Variants in JMJD1C observed in about 807,000 individuals in gnomAD.
JMJD1C encodes jumonji domain containing 1C.
Under a neutral mutation model 245.3 loss-of-function variants are expected in JMJD1C, and 31 were observed. The ratio of observed to expected loss-of-function variants is 0.13; its 90% CI spans 0.09 to 0.17. The LOEUF (loss-of-function observed/expected upper bound fraction) is 0.17. Ranked by LOEUF, JMJD1C falls within the 10% of genes least tolerant of loss-of-function variation. The pLI is 1.00. For missense variants in JMJD1C, 2,691 were observed against 3,000.2 expected, an observed-to-expected ratio of 0.90 and a Z score of 2.41; for synonymous variants, 1,057 against 1,017.4, an observed-to-expected ratio of 1.04 and a Z score of -0.74.
chr10:63,211,279 G>A (rs1847287812), intron 8 of JMJD1C, among the ~76,000 whole-genome samples: 1 of 151,828 alleles, frequency 6.6e-6, no homozygotes, highest in African/African-American at 2.4e-5. Flanking sequence ...AGCCTGGCCA[G>A]CATAGTGAAA....
intron 2 of JMJD1C, among the ~76,000 whole-genome samples, chr10:63,337,624 A>AAAAGAAAAGGAAAAGAAAAG (rs139374030): frequency 1.7e-5 from 1 of 60,194 alleles, no homozygotes; most frequent in African/African-American, 7.4e-5. Flanking sequence ...AAAAGAAAAG[A>AAAAGAAAAGGAAAAGAAAAG]AAAAGAAAAG....
At chr10:63,460,950 A>G (rs1241396506) in intron 1 of JMJD1C, among the ~76,000 whole-genome samples, 1 of 152,192 alleles carries the variant, frequency 6.6e-6, no homozygotes, top group Non-Finnish European at 1.5e-5. Flanking sequence ...ATTGGAAATT[A>G]TTGGAATACC....
rs1245667160 is a variant in JMJD1C at position 63,209,213 on chromosome 10, T to C, written c.2717A>G (p.His906Arg). 6.2e-7 allele frequency: 1 copy of C among 1,610,996 alleles called. No individual in the cohort carries two copies. Among genetic ancestry groups the C allele is most frequent in the Non-Finnish European group, 8.5e-7 (1 of 1,178,770 alleles). Residue 906 changes from histidine (H) to arginine (R), a missense_variant, in exon 9 of 26, where the codon CAT (histidine) becomes CGT (arginine). Around this residue, in one of 9 missense-constraint regions of JMJD1C, gnomAD observed 1,562 missense variants for 1,490.7 expected, o/e 1.05. Transcript: ENST00000399262. ...LRRNSPSPWL[H>R]QPTPVTSADG... ...TGCTGAGGTCACAGGGGTGGGCTGATGTAGCCAAGGACTGGGAGAATTCTA... is the reference window on the plus strand; with the variant it reads ...TGCTGAGGTCACAGGGGTGGGCTGACGTAGCCAAGGACTGGGAGAATTCTA...
At chr10:63,175,969 C>A (rs1842830155) in intron 24 of JMJD1C, among the ~76,000 whole-genome samples, 1 of 152,132 alleles carries the variant, frequency 6.6e-6, no homozygotes, top group Non-Finnish European at 1.5e-5. Context: ...GATAAAAAGT[C>A]TGTATACTGT....
At chr10:63,179,029 C>T (rs1408429913) in intron 22 of JMJD1C, among the ~76,000 whole-genome samples, 1 of 152,092 alleles carries the variant, frequency 6.6e-6, no homozygotes, top group Non-Finnish European at 1.5e-5. Flanking sequence ...TTTCTCATTA[C>T]CCACCCCTGT....
upstream of JMJD1C, among the ~76,000 whole-genome samples, chr10:63,468,361 GTT>G (rs71463524): frequency 0.027 from 4,168 of 152,056 alleles, 76 homozygotes; most frequent in Non-Finnish European, 0.045. Flanking sequence ...TTTTTTGTTT[GTT>G]TGCTGGCATT....
intron 2 of JMJD1C, among the ~76,000 whole-genome samples, chr10:63,283,367 CTTTTT>C (rs34629226): frequency 1.6e-5 from 2 of 122,538 alleles, no homozygotes; most frequent in Non-Finnish European, 1.8e-5. Context: ...CTTTCTGAGC[CTTTTT>C]TTTTTTTTTT....
intron 1 of JMJD1C, among the ~76,000 whole-genome samples, chr10:63,520,769 A>G (rs1035575972): frequency 2.6e-5 from 4 of 152,214 alleles, no homozygotes; most frequent in African/African-American, 9.6e-5. Context: ...TAAGAGGCCC[A>G]GAACAGTGGT....
At chr10:63,236,069 T>A (rs1262351397) in intron 3 of JMJD1C, among the ~76,000 whole-genome samples, 2 of 152,230 alleles carry the variant, frequency 1.3e-5, no homozygotes, top group African/African-American at 2.4e-5. Flanking sequence ...GGATATACTA[T>A]CTTAATATAC....
chr10:63,345,876 C>T (rs149309814), intron 2 of JMJD1C, among the ~76,000 whole-genome samples: 48 of 151,906 alleles, frequency 3.2e-4, no homozygotes, highest in East Asian at 1.5e-3. Context: ...AAGTAAAGCA[C>T]GGTCTTTAAC....
At chr10:63,368,776 TC>T (rs1450482221) in intron 2 of JMJD1C, among the ~76,000 whole-genome samples, 1 of 152,038 alleles carries the variant, frequency 6.6e-6, no homozygotes, top group East Asian at 1.9e-4. Flanking sequence ...AACCTCCACC[TC>T]CCAGGTTCAA....
At chr10:63,281,266 C>T (rs1298881541) in intron 2 of JMJD1C, among the ~76,000 whole-genome samples, 1 of 151,236 alleles carries the variant, frequency 6.6e-6, no homozygotes, top group East Asian at 1.9e-4. Context: ...TCCCTAGTAG[C>T]TGAGATTACA....
At chr10:63,260,194 A>G (rs1854513637) in intron 3 of JMJD1C, among the ~76,000 whole-genome samples, 1 of 152,178 alleles carries the variant, frequency 6.6e-6, no homozygotes, top group Non-Finnish European at 1.5e-5. Flanking sequence ...CAAATCTCTA[A>G]CGGTTTTAAC....
intron 10 of JMJD1C, chr10:63,202,538 A>T (rs1309793271): frequency 6.7e-5 from 66 of 985,300 alleles, no homozygotes; most frequent in Non-Finnish European, 8.0e-5. Context: ...ATATAGAGTG[A>T]CCCATTTGAA....
intron 3 of JMJD1C, among the ~76,000 whole-genome samples, chr10:63,234,242 TCA>T (rs151271914): frequency 0.035 from 5,319 of 152,078 alleles, 289 homozygotes; most frequent in East Asian, 0.26. Flanking sequence ...CAAAATGTAA[TCA>T]CAGCACTTTG....
At chr10:63,399,437 C>A (rs1464595312) in intron 1 of JMJD1C, among the ~76,000 whole-genome samples, 2 of 152,140 alleles carry the variant, frequency 1.3e-5, no homozygotes, top group Non-Finnish European at 2.9e-5. Context: ...GTCACCTTTT[C>A]TAGGCCTTTT....
At chr10:63,458,845 C>T (rs139783938) in intron 1 of JMJD1C, among the ~76,000 whole-genome samples, 92 of 151,920 alleles carry the variant, frequency 6.1e-4, no homozygotes, top group African/African-American at 2.1e-3. Flanking sequence ...CACCTCAGTA[C>T]CCAAAGGAGC....
chr10:63,346,397 A>G (rs186359511), intron 2 of JMJD1C, among the ~76,000 whole-genome samples: 2 of 152,328 alleles, frequency 1.3e-5, no homozygotes, highest in Admixed American at 1.3e-4. Context: ...GCCCTAAAGC[A>G]TACTTGGGTT....
In JMJD1C at chr10:63,422,327, G is replaced by T. The variant is rs150758295; in HGVS notation, c.169-41845C>A. The stretch of plus-strand genomic sequence containing the variant: ...CTTGGGAGGCTGAGGCAGGAGAATC[G>T]CTTGAACCCAGGAGGCGGGGTTGCA... On this transcript the variant is annotated intron_variant, in intron 1 of 25. Transcript: ENST00000399262. Among the ~76,000 whole-genome samples the T allele has an allele frequency of 2.0e-5, 3 of 152,204 alleles. No individual in the cohort carries two copies. The East Asian group carries it at 5.8e-4, about 29-fold the overall frequency.
Sources: allele counts gnomAD v4.1 joint callset (sites outside exome capture counted in the v4.1 genomes callset), GRCh38; gene constraint gnomAD v4.1.1; regional missense constraint gnomAD v4.1.1; transcripts MANE v1.5; gene names NCBI Gene and HGNC (gene_info 2026-07-23, HGNC 2026-07-21).